CSPP1: variants seen among roughly 807,000 people sequenced by gnomAD.
The protein encoded by CSPP1 is centrosome and spindle pole associated protein 1, also known as centrosome and spindle pole-associated protein 1.
A neutral mutation model predicts 164.4 loss-of-function variants in CSPP1; 126 were observed. The observed-to-expected ratio is 0.77, with a 90% CI of 0.66 to 0.89. CSPP1 has a LOEUF of 0.89. Ranked by LOEUF, CSPP1 falls within the 40% of genes least tolerant of loss-of-function variation. The pLI, the probability that CSPP1 is intolerant of heterozygous loss-of-function variation, is 0.00. For synonymous variants in CSPP1, 472 were observed against 476.7 expected, an observed-to-expected ratio of 0.99 and a Z score of 0.13; for missense variants, 1,395 against 1,449.8, an observed-to-expected ratio of 0.96 and a Z score of 0.61.
intron 16 of CSPP1, among the ~76,000 whole-genome samples, chr8:67,133,031 T>C (rs1821555173): frequency 1.3e-5 from 2 of 152,232 alleles, no homozygotes; most frequent in African/African-American, 4.8e-5. Flanking sequence ...CTTTTTTGTA[T>C]GTTAGGATTC....
intron 9 of CSPP1, among the ~76,000 whole-genome samples, chr8:67,108,276 C>T (rs917283474): frequency 2.6e-5 from 4 of 151,840 alleles, no homozygotes; most frequent in Admixed American, 1.3e-4. Flanking sequence ...GTGGCATGCA[C>T]CTGTAGTCCT....
chr8:67,169,786 T>C (rs1190355344), intron 24 of CSPP1, among the ~76,000 whole-genome samples: 1 of 151,852 alleles, frequency 6.6e-6, no homozygotes, highest in East Asian at 1.9e-4. Context: ...TCTCTTTCTG[T>C]CACCTAGGCT....
chr8:67,148,441 C>G (rs1825052662), intron 17 of CSPP1, among the ~76,000 whole-genome samples: 1 of 152,226 alleles, frequency 6.6e-6, no homozygotes, highest in South Asian at 2.1e-4. Context: ...GCTTTACCCA[C>G]TTGGAGTGCT....
chr8:67,068,462 A>C (rs1269958230), intron 1 of CSPP1, among the ~76,000 whole-genome samples: 1 of 152,220 alleles, frequency 6.6e-6, no homozygotes, highest in Non-Finnish European at 1.5e-5. Context: ...TATATTGTAG[A>C]GTGTCATATA....
Position 67,172,401 on chromosome 8 carries a change from G to T in CSPP1, c.2829-15G>T. ...TCCTGTGAAGCACATATTATGATTT[G>T]TCATTTATCTATAGGAAAAAGGAAA... On this transcript the variant is annotated splice_polypyrimidine_tract_variant and intron_variant, in intron 24 of 30. Coordinates refer to ENST00000678616, the MANE Select transcript of CSPP1 (RefSeq NM_001382391.1). The T allele has an allele frequency of 6.2e-7, 1 of 1,600,212 alleles. No individual in the cohort carries two copies. The highest frequency in any genetic ancestry group is 1.1e-5 in the South Asian group (1 of 89,780).
At chr8:67,141,839 G>A (rs1259241083) in intron 17 of CSPP1, among the ~76,000 whole-genome samples, 1 of 152,134 alleles carries the variant, frequency 6.6e-6, no homozygotes, top group Non-Finnish European at 1.5e-5. Context: ...TAGAGAAGGC[G>A]GGAACATTAC....
In CSPP1 at chr8:67,093,575, C is replaced by T. The variant is rs752698536; in HGVS notation, c.417C>T (p.Tyr139=). 8 of 1,610,654 alleles carry T rather than the reference C, an allele frequency of 5.0e-6. No individual in the cohort carries two copies. The highest frequency in any genetic ancestry group is 6.8e-6 in the Non-Finnish European group (8 of 1,177,392). The part of the protein sequence containing the change: ...ERLKLERNKE[Y]NQFLRGKEES... ...TGAAACTTGAACGTAACAAAGAATA[C>T]AATCAGTTTCTCAGGGGTAAGGAAG... Residue 139 remains tyrosine, a synonymous_variant, in exon 6 of 31, where the codon TAC becomes TAT. Transcript: ENST00000678616.
chr8:67,110,161 G>C (rs1264430822), intron 9 of CSPP1, among the ~76,000 whole-genome samples: 1 of 150,206 alleles, frequency 6.7e-6, no homozygotes, highest in African/African-American at 2.5e-5. Context: ...TCCAGGTGCA[G>C]TCTGAGGTTT....
At chr8:67,194,821 A>G (rs557567663) in intron 30 of CSPP1, among the ~76,000 whole-genome samples, 9 of 152,318 alleles carry the variant, frequency 5.9e-5, no homozygotes, top group Admixed American at 1.3e-4. Context: ...AGAATGAAGC[A>G]AGAGCTACCT....
intron 15 of CSPP1, among the ~76,000 whole-genome samples, chr8:67,124,652 C>G (rs958811008): frequency 4.0e-5 from 6 of 151,844 alleles, no homozygotes; most frequent in African/African-American, 1.2e-4. Flanking sequence ...AGGTGCATAC[C>G]ACCAATGCTC....
chr8:67,124,351 T>C (rs1819633739), intron 15 of CSPP1, among the ~76,000 whole-genome samples: 1 of 152,208 alleles, frequency 6.6e-6, no homozygotes, highest in Non-Finnish European at 1.5e-5. Context: ...GGCAACTTAA[T>C]TTCAATGGTA....
At chr8:67,152,370 C>G (rs1367362665) in intron 18 of CSPP1, among the ~76,000 whole-genome samples, 2 of 151,786 alleles carry the variant, frequency 1.3e-5, no homozygotes, top group Non-Finnish European at 2.9e-5. Flanking sequence ...TTTCTGATGC[C>G]CTTTATAATG....
rs1042529971 is a variant in CSPP1, at chr8:67,158,549, C to T, written c.2344C>T (p.Gln782Ter). ...TGCAGAACAGAGGGCACGAATTCAGCAGGAGTATGAAGAGGAACAGGAAAA... is the reference window on the plus strand; with the variant it reads ...TGCAGAACAGAGGGCACGAATTCAGTAGGAGTATGAAGAGGAACAGGAAAA... The part of the protein sequence containing the change: ...RLAEQRARIQ[Q>*]EYEEEQEKKR... Residue 782 changes from glutamine (Q) to a stop codon, truncating the protein, a stop_gained, in exon 20 of 31, where the codon CAG becomes TAG. Coordinates refer to ENST00000678616, the MANE Select transcript of CSPP1 (RefSeq NM_001382391.1). LOFTEE classifies it high-confidence loss of function. The T allele has an allele frequency of 6.2e-7, 1 of 1,611,006 alleles. No homozygotes were observed. Among genetic ancestry groups the T allele is most frequent in the African/African-American group, 1.3e-5 (1 of 74,714 alleles).
At chr8:67,180,032 A>C in intron 28 of CSPP1, 106 bp downstream of exon 28, 1 of 575,180 alleles carries the variant, frequency 1.7e-6, no homozygotes. Context: ...GTAAAAAAAA[A>C]AAAAGGAATA....
chr8:67,093,312 C>T (rs972025388), intron 5 of CSPP1, among the ~76,000 whole-genome samples: 3 of 152,194 alleles, frequency 2.0e-5, no homozygotes, highest in Non-Finnish European at 4.4e-5. Flanking sequence ...TGTAGTCATG[C>T]ATATTCTCAT....
rs1818330937 is a variant in CSPP1, at chr8:67,118,333, G to A, written c.1582G>A (p.Gly528Arg). ...TTATGATGATGCATACTATTTTTAT[G>A]GGTCCAGGAATACTTTCGATCCCAG... ...TPYDDAYYFY[G>R]SRNTFDPSLA... Residue 528 changes from glycine to arginine, a missense_variant, in exon 14 of 31, where the codon GGG (glycine) becomes AGG (arginine). By Grantham distance (125) the Gly-to-Arg change is moderately radical. Coordinates refer to ENST00000678616, the MANE Select transcript of CSPP1 (RefSeq NM_001382391.1). 1 of 1,613,348 alleles carries A rather than the reference G, an allele frequency of 6.2e-7. No homozygotes were observed. Among genetic ancestry groups the A allele is most frequent in the Non-Finnish European group, 8.5e-7 (1 of 1,179,534 alleles).
chr8:67,126,429 T>C (rs993013479), intron 15 of CSPP1, among the ~76,000 whole-genome samples: 6 of 152,234 alleles, frequency 3.9e-5, no homozygotes. Flanking sequence ...GTCTGTATTC[T>C]TTGTCATATG....
intron 3 of CSPP1, among the ~76,000 whole-genome samples, chr8:67,077,984 A>T (rs1479583184): frequency 6.6e-6 from 1 of 152,172 alleles, no homozygotes; most frequent in Non-Finnish European, 1.5e-5. Context: ...TATTGGTAAA[A>T]TTTTTTAATC....
rs1230317852 is a variant in CSPP1 at position 67,159,904 on chromosome 8, CTTTCTTTCTTTCTTT to C, written c.2538+768_2538+782del. 3.6e-3 allele frequency among the ~76,000 whole-genome samples: 242 copies of C among 66,844 alleles called. 4 individuals are homozygous for C. The highest frequency in any genetic ancestry group is 7.0e-3 in the Middle Eastern group (1 of 142). The allele number at this position is 66,844 out of a possible 152,430, so 43.9% of individuals were successfully genotyped here. The stretch of plus-strand genomic sequence containing the variant: ...TCTTTCTTTCTTTCTTTCTTTCTTT[CTTTCTTTCTTTCTTT>C]CTTTCCTTTCCTTCCTTCCTTCCTT... On this transcript the variant is annotated intron_variant, in intron 21 of 30. Transcript: ENST00000678616.
Sources: allele counts gnomAD v4.1 joint callset (sites outside exome capture counted in the v4.1 genomes callset), GRCh38; gene constraint gnomAD v4.1.1; transcripts MANE v1.5; gene names NCBI Gene and HGNC (gene_info 2026-07-23, HGNC 2026-07-21).